Variants in GPHN observed in about 807,000 individuals in gnomAD.
The protein encoded by GPHN is gephyrin.
A neutral mutation model predicts 95.5 loss-of-function variants in GPHN; 17 were observed. That is an observed-to-expected ratio of 0.18 (90% CI 0.12 to 0.27). The LOEUF (loss-of-function observed/expected upper bound fraction) is 0.27. Among genes scored for constraint, GPHN ranks in the 10% least tolerant of loss-of-function variants. The pLI is 1.00. For synonymous variants in GPHN, 320 were observed against 322.5 expected, an observed-to-expected ratio of 0.99 and a Z score of 0.08; for missense variants, 660 against 978.1, an observed-to-expected ratio of 0.67 and a Z score of 4.34.
intron 1 of GPHN, among the ~76,000 whole-genome samples, chr14:66,648,386 G>C (rs1395751432): frequency 6.6e-6 from 1 of 152,062 alleles, no homozygotes; most frequent in African/African-American, 2.4e-5. Context: ...AGGTCTTTGT[G>C]CTGCTGTAAG....
At chr14:66,703,439 G>A (rs542223323) in intron 2 of GPHN, among the ~76,000 whole-genome samples, 106 of 152,266 alleles carry the variant, frequency 7.0e-4, no homozygotes, top group African/African-American at 2.2e-3. Context: ...GAATAATAGC[G>A]TAACTCTCAG....
At chr14:67,729,013 T>C in the GPHN span, among the ~76,000 whole-genome samples, 2 of 152,188 alleles carry the variant, frequency 1.3e-5, no homozygotes, top group Non-Finnish European at 2.9e-5. Context: ...TATAGATCTT[T>C]CTGAAAGATC....
chr14:67,667,313 T>C, the GPHN span, among the ~76,000 whole-genome samples: 9 of 152,196 alleles, frequency 5.9e-5, no homozygotes, highest in Non-Finnish European at 7.3e-5. Context: ...AGCTCATAAA[T>C]ATGTGGTTAC....
intron 4 of GPHN, among the ~76,000 whole-genome samples, chr14:66,830,931 A>G (rs1489345106): frequency 6.6e-6 from 1 of 152,112 alleles, no homozygotes; most frequent in Non-Finnish European, 1.5e-5. Context: ...TGTATTTCAT[A>G]ATTTTAAGTG....
At chr14:66,679,874 A>T (rs994713478) in intron 1 of GPHN, among the ~76,000 whole-genome samples, 6 of 152,130 alleles carry the variant, frequency 3.9e-5, no homozygotes, top group Non-Finnish European at 7.4e-5. Context: ...CTAACTCTAT[A>T]TCATCTGTGG....
chr14:66,704,463 C>T (rs955433329), intron 2 of GPHN, among the ~76,000 whole-genome samples: 1 of 152,014 alleles, frequency 6.6e-6, no homozygotes, highest in Non-Finnish European at 1.5e-5. Context: ...ATAACAGTCT[C>T]TCACACCACA....
rs866087416 is a variant in GPHN at position 67,144,288 on chromosome 14, C to T, written c.1836+839C>T. Reference sequence around the variant, plus strand: ...ATATATATATATATATATATATATACACACACACATACACAAATATTTTAT... The same window carrying T: ...ATATATATATATATATATATATATATACACACACATACACAAATATTTTAT... On this transcript the variant is annotated intron_variant, in intron 18 of 22. Coordinates refer to ENST00000478722, the MANE Select transcript of GPHN (RefSeq NM_020806.5). 4.1e-3 allele frequency among the ~76,000 whole-genome samples: 300 copies of T among 72,754 alleles called. 4 individuals carry two copies. The highest frequency in any genetic ancestry group is 0.015 in the Middle Eastern group (2 of 136). The allele number at this position is 72,754 out of a possible 152,430, so 47.7% of individuals were successfully genotyped here. A position where few individuals can be genotyped will look rare whatever the true frequency, so the allele number is the denominator to read the frequency against.
chr14:67,518,646 A>T, the GPHN span, among the ~76,000 whole-genome samples: 1 of 152,218 alleles, frequency 6.6e-6, no homozygotes, highest in African/African-American at 2.4e-5. Flanking sequence ...AAAGGCAAGA[A>T]CTGTTCTGCC....
the GPHN span, among the ~76,000 whole-genome samples, chr14:67,658,577 A>G: frequency 1.3e-5 from 2 of 152,316 alleles, no homozygotes; most frequent in South Asian, 4.1e-4. Flanking sequence ...AGCCTGGGTG[A>G]CAGAGCGAGA....
chr14:67,096,172 T>C lies in GPHN; in HGVS notation c.1238-4684T>C, dbSNP rs142952890. Among the ~76,000 whole-genome samples the C allele has an allele frequency of 3.2e-3, 489 of 152,202 alleles. 2 individuals carry two copies. The highest frequency in any genetic ancestry group is 0.011 in the African/African-American group (464 of 41,520). ...ACTGATTCTTCCTTAGCTAGCAATA[T>C]AGAGACACATTTACCAACTGGAAAG... On this transcript the variant is annotated intron_variant, in intron 12 of 22. Coordinates refer to ENST00000478722, the MANE Select transcript of GPHN (RefSeq NM_020806.5).
chr14:67,726,148 C>T, the GPHN span: 2 of 1,599,416 alleles, frequency 1.3e-6, no homozygotes, highest in East Asian at 2.2e-5. Flanking sequence ...TGGGAGTCAA[C>T]CACCTGGGTA....
chr14:66,800,985 C>T (rs531659861), intron 3 of GPHN, among the ~76,000 whole-genome samples: 4 of 152,294 alleles, frequency 2.6e-5, no homozygotes, highest in South Asian at 2.1e-4. Flanking sequence ...GACTTTGATG[C>T]ACTCTTTAGT....
At chr14:66,815,445 C>T (rs1279108455) in intron 3 of GPHN, among the ~76,000 whole-genome samples, 1 of 152,112 alleles carries the variant, frequency 6.6e-6, no homozygotes, top group Non-Finnish European at 1.5e-5. Flanking sequence ...AAAGGGAAGC[C>T]CATCCAACTA....
At chr14:66,638,594 G>A (rs1023239124) in intron 1 of GPHN, among the ~76,000 whole-genome samples, 2 of 151,994 alleles carry the variant, frequency 1.3e-5, no homozygotes, top group Non-Finnish European at 2.9e-5. Context: ...CCAAAATATT[G>A]CATGATCTTT....
chr14:67,534,114 T>C, the GPHN span, among the ~76,000 whole-genome samples: 1 of 152,150 alleles, frequency 6.6e-6, no homozygotes, highest in African/African-American at 2.4e-5. Context: ...TTTAAAAAAT[T>C]CAGTGGGAGA....
chr14:66,565,778 T>G (rs1374399839), intron 1 of GPHN, among the ~76,000 whole-genome samples: 1 of 152,184 alleles, frequency 6.6e-6, no homozygotes, highest in Non-Finnish European at 1.5e-5. Context: ...AATATATGTG[T>G]GAACTAACAG....
the GPHN span, chr14:67,302,158 T>C: frequency 6.4e-7 from 1 of 1,553,416 alleles, no homozygotes; most frequent in South Asian, 1.3e-5. Context: ...AGTGCATTTT[T>C]CTGCTGTTGT....
chr14:66,932,444 G>GATT (rs2066855094), intron 8 of GPHN, among the ~76,000 whole-genome samples: 1 of 24,380 alleles, frequency 4.1e-5, no homozygotes, highest in Non-Finnish European at 7.3e-5. Flanking sequence ...CCAAGACCAG[G>GATT]TTTTTTTTTT....
At chr14:67,236,666 A>T in the GPHN span, among the ~76,000 whole-genome samples, 1 of 152,244 alleles carries the variant, frequency 6.6e-6, no homozygotes, top group African/African-American at 2.4e-5. Flanking sequence ...GATATACTAT[A>T]TTTAGCTAGA....
Sources: gnomAD v4.1 joint callset for allele counts (sites outside exome capture counted in the v4.1 genomes callset) on GRCh38, gnomAD v4.1.1 for gene constraint, MANE v1.5 for transcripts, NCBI Gene and HGNC (gene_info 2026-07-23, HGNC 2026-07-21) for gene names.